The following SUPT3H variants were observed in gnomAD, a reference collection of about 807,000 sequenced individuals.
SUPT3H encodes the protein transcription initiation protein SPT3 homolog.
In SUPT3H, 44 loss-of-function variants were observed where a neutral mutation model predicts 44.3. The ratio of observed to expected loss-of-function variants is 0.99; its 90% CI spans 0.78 to 1.28. SUPT3H has a LOEUF of 1.28. SUPT3H is among the 50% of genes most tolerant of loss of function. The probability of loss-of-function intolerance (pLI) is 0.00; values close to 1 mark genes in which losing one functional copy is unlikely to be tolerated. For synonymous variants in SUPT3H, 124 were observed against 125.6 expected (o/e 0.99, Z 0.09); for missense variants, 380 against 387.1 (o/e 0.98, Z 0.15).
At chr6:44,854,290 CT>C (rs1490090290) in intron 10 of SUPT3H, among the ~76,000 whole-genome samples, 1 of 152,192 alleles carries the variant, frequency 6.6e-6, no homozygotes, top group Non-Finnish European at 1.5e-5. Flanking sequence ...ACAAAATGCA[CT>C]GTACCATCAT....
chr6:45,375,880 T>C lies in SUPT3H; in HGVS notation c.-1+1888A>G, dbSNP rs563945327. 3.3e-5 allele frequency among the ~76,000 whole-genome samples: 5 copies of C among 152,058 alleles called. No homozygotes were observed. The South Asian group carries it at 1.0e-3, about 32-fold the overall frequency. On this transcript the variant is annotated intron_variant, in intron 1 of 10. Coordinates refer to ENST00000371459, the MANE Select transcript of SUPT3H (RefSeq NM_003599.4). ...AAGTAAAGTAATTTTGTGAAACATC[T>C]ATTACCTAATTTCACTTATCTCTCC...
intron 2 of SUPT3H, among the ~76,000 whole-genome samples, chr6:45,292,020 T>C (rs118099392): frequency 6.6e-6 from 1 of 152,242 alleles, no homozygotes; most frequent in East Asian, 1.9e-4. Flanking sequence ...AAGGAAAGAA[T>C]TTTAAGACCT....
intron 2 of SUPT3H, among the ~76,000 whole-genome samples, chr6:45,275,943 C>T (rs1256437948): frequency 6.6e-6 from 1 of 152,006 alleles, no homozygotes; most frequent in Non-Finnish European, 1.5e-5. Context: ...TATCTAGTTC[C>T]CTTACTGAAG....
chr6:45,078,222 T>A (rs1478655360), intron 3 of SUPT3H, among the ~76,000 whole-genome samples: 1 of 152,256 alleles, frequency 6.6e-6, no homozygotes, highest in Non-Finnish European at 1.5e-5. Context: ...TACTGTTTAC[T>A]GCTTTGGTTT....
At chr6:44,998,514 G>T (rs914885013) in intron 6 of SUPT3H, among the ~76,000 whole-genome samples, 3 of 151,688 alleles carry the variant, frequency 2.0e-5, no homozygotes, top group Non-Finnish European at 2.9e-5. Flanking sequence ...ATGATAAATT[G>T]TGGTCTTCTG....
chr6:45,039,850 A>AT (rs1788255009), intron 3 of SUPT3H, among the ~76,000 whole-genome samples: 1 of 131,490 alleles, frequency 7.6e-6, no homozygotes, highest in East Asian at 2.1e-4. Context: ...CACAGCAAAA[A>AT]AAAAAAATTT....
intron 2 of SUPT3H, among the ~76,000 whole-genome samples, chr6:45,174,241 G>A (rs993729467): frequency 2.0e-5 from 3 of 152,122 alleles, no homozygotes; most frequent in Middle Eastern, 3.2e-3. Context: ...AACGTTCTAC[G>A]TAATCATAGG....
chr6:44,943,298 T>C (rs1427972151), intron 9 of SUPT3H, among the ~76,000 whole-genome samples: 1 of 151,932 alleles, frequency 6.6e-6, no homozygotes, highest in Non-Finnish European at 1.5e-5. Flanking sequence ...GTATAGAAGA[T>C]AAAAGTTCAA....
At chr6:45,341,633 C>T (rs1221201560) in intron 2 of SUPT3H, among the ~76,000 whole-genome samples, 1 of 151,924 alleles carries the variant, frequency 6.6e-6, no homozygotes, top group African/African-American at 2.4e-5. Flanking sequence ...GCATAAGACT[C>T]GAGGTAACAA....
chr6:45,079,492 G>GA (rs1213260195), intron 3 of SUPT3H, among the ~76,000 whole-genome samples: 1 of 149,752 alleles, frequency 6.7e-6, no homozygotes, highest in Non-Finnish European at 1.5e-5. Flanking sequence ...GAAGGAGGAA[G>GA]AAAAAAAGGA....
intron 10 of SUPT3H, among the ~76,000 whole-genome samples, chr6:44,927,902 T>A (rs377187772): frequency 6.6e-6 from 1 of 152,184 alleles, no homozygotes; most frequent in Non-Finnish European, 1.5e-5. Context: ...TTGAGTGTGG[T>A]TGAGTGGAAT....
At chr6:44,986,004 G>A (rs1211695335) in intron 6 of SUPT3H, among the ~76,000 whole-genome samples, 1 of 151,924 alleles carries the variant, frequency 6.6e-6, no homozygotes, top group African/African-American at 2.4e-5. Flanking sequence ...AGATAATGAG[G>A]GTTCACGTTT....
Position 45,250,378 on chromosome 6 carries a change from CAATAAAA to C in SUPT3H, c.101+114816_101+114822del, listed in dbSNP as rs532707073. On this transcript the variant is annotated intron_variant, in intron 2 of 10. Transcript: ENST00000371459. The stretch of plus-strand genomic sequence containing the variant: ...ACATTAAGGCAATAAAAAAATAAAA[CAATAAAA>C]AATAAAACAAAGACAATAAAAAAAG... Among the ~76,000 whole-genome samples the C allele has an allele frequency of 1.1e-4, 15 of 141,060 alleles. No homozygotes were observed. The East Asian group carries it at 3.0e-3, about 28-fold the overall frequency. 92.5% of individuals were successfully genotyped at this position (141,060 alleles called of 152,430 possible). A position where few individuals can be genotyped will look rare whatever the true frequency, so the allele number is the denominator to read the frequency against.
chr6:44,977,560 G>A (rs1418672234), intron 6 of SUPT3H, among the ~76,000 whole-genome samples: 1 of 152,080 alleles, frequency 6.6e-6, no homozygotes, highest in African/African-American at 2.4e-5. Flanking sequence ...CACCCTACAT[G>A]CATCTTATCT....
intron 2 of SUPT3H, among the ~76,000 whole-genome samples, chr6:45,217,496 A>G (rs574129076): frequency 2.1e-4 from 32 of 151,942 alleles, no homozygotes; most frequent in Non-Finnish European, 1.5e-4. Context: ...AAAATAAAAT[A>G]AAATATAAAA....
chr6:44,906,346 TTTA>T (rs1450966651), intron 10 of SUPT3H, among the ~76,000 whole-genome samples: 1 of 152,214 alleles, frequency 6.6e-6, no homozygotes, highest in Admixed American at 6.5e-5. Flanking sequence ...AGGAACAATG[TTTA>T]TTGTTTAAAG....
chr6:45,367,546 G>GA (rs1257510623), intron 1 of SUPT3H, among the ~76,000 whole-genome samples: 3 of 151,930 alleles, frequency 2.0e-5, no homozygotes, highest in Admixed American at 1.3e-4. Flanking sequence ...GACAAAATGC[G>GA]AAAAAAAGGA....
At chr6:45,333,281 C>T (rs1184854853) in intron 2 of SUPT3H, among the ~76,000 whole-genome samples, 1 of 151,508 alleles carries the variant, frequency 6.6e-6, no homozygotes, top group Non-Finnish European at 1.5e-5. Context: ...AAGGGAGTTT[C>T]CTTACATTTT....
At chr6:45,151,255 G>A (rs2153596271) in intron 2 of SUPT3H, among the ~76,000 whole-genome samples, 1 of 151,896 alleles carries the variant, frequency 6.6e-6, no homozygotes, top group Admixed American at 6.6e-5. Flanking sequence ...CTTATAAAAA[G>A]CTTTATTTTT....
Sources: allele counts gnomAD v4.1 joint callset (sites outside exome capture counted in the v4.1 genomes callset), GRCh38; gene constraint gnomAD v4.1.1; transcripts MANE v1.5; gene names NCBI Gene and HGNC (gene_info 2026-07-23, HGNC 2026-07-21).